PDE8B: variants seen among roughly 807,000 people sequenced by gnomAD.
PDE8B encodes the protein phosphodiesterase 8B.
Under a neutral mutation model 101.3 loss-of-function variants are expected in PDE8B, and 26 were observed. The observed-to-expected ratio is 0.26, with a 90% CI of 0.19 to 0.36. The LOEUF is 0.36. PDE8B is among the 10% of genes least tolerant of loss of function. The pLI is 1.00. For missense variants in PDE8B, 810 were observed against 1,163.1 expected, an observed-to-expected ratio of 0.70 and a Z score of 4.42; for synonymous variants, 424 against 429.3, an observed-to-expected ratio of 0.99 and a Z score of 0.15.
intron 1 of PDE8B, among the ~76,000 whole-genome samples, chr5:77,225,850 A>G (rs1198620170): frequency 4.7e-4 from 37 of 78,942 alleles, no homozygotes; most frequent in Non-Finnish European, 1.0e-4. Flanking sequence ...ATGCGCGTGC[A>G]CACACACACA....
chr5:77,152,982 C>T, the PDE8B span, among the ~76,000 whole-genome samples: 1 of 152,326 alleles, frequency 6.6e-6, no homozygotes, highest in South Asian at 2.1e-4. Flanking sequence ...TTGCAGTTCT[C>T]AACCAGAGGT....
At chr5:77,334,059 G>A (rs1442480159) in intron 5 of PDE8B, among the ~76,000 whole-genome samples, 1 of 152,232 alleles carries the variant, frequency 6.6e-6, no homozygotes, top group Non-Finnish European at 1.5e-5. Context: ...ACCATCAGCT[G>A]AGACTGATCT....
chr5:77,161,555 GACTTCTGAGTA>G, the PDE8B span, among the ~76,000 whole-genome samples: 2 of 152,058 alleles, frequency 1.3e-5, no homozygotes, highest in African/African-American at 4.8e-5. Context: ...GGCTGATATG[GACTTCTGAGTA>G]CAAATCCTTT....
In PDE8B at chr5:77,367,903, C is replaced by T. The variant is rs531325401; in HGVS notation, c.1167+14497C>T. The stretch of plus-strand genomic sequence containing the variant: ...CTGGGTGAGTCATCTGCACTTGCAG[C>T]GTTCTTCACAAAAGCCCCCAACTTG... On this transcript the variant is annotated intron_variant, in intron 10 of 21. Coordinates refer to ENST00000264917, the MANE Select transcript of PDE8B (RefSeq NM_003719.5). Among the ~76,000 whole-genome samples, 10 of 152,316 alleles carry T rather than the reference C, an allele frequency of 6.6e-5. No homozygotes were observed. The South Asian group carries it at 1.0e-3, about 16-fold the overall frequency.
intron 10 of PDE8B, among the ~76,000 whole-genome samples, chr5:77,369,605 C>T (rs181443387): frequency 1.6e-3 from 248 of 152,250 alleles, no homozygotes; most frequent in African/African-American, 5.6e-3. Context: ...TTAAAGGCAT[C>T]GTCTCAATTA....
intron 1 of PDE8B, among the ~76,000 whole-genome samples, chr5:77,278,332 G>A (rs1276101609): frequency 6.6e-6 from 1 of 152,152 alleles, no homozygotes; most frequent in African/African-American, 2.4e-5. Context: ...AGGCCTTACT[G>A]ATAGCCTTGC....
chr5:77,125,492 C>A, the PDE8B span, among the ~76,000 whole-genome samples: 1 of 152,166 alleles, frequency 6.6e-6, no homozygotes, highest in Non-Finnish European at 1.5e-5. Flanking sequence ...AAAGCAGAGA[C>A]TCAAATAGAT....
At chr5:77,225,846 G>A (rs921537976) in intron 1 of PDE8B, among the ~76,000 whole-genome samples, 5 of 104,490 alleles carry the variant, frequency 4.8e-5, no homozygotes, top group Non-Finnish European at 9.5e-5. Flanking sequence ...CCACATGCGC[G>A]TGCACACACA....
Position 77,404,796 on chromosome 5 carries a change from T to C in PDE8B, c.1287T>C (p.Asp429=), listed in dbSNP as rs1561661352. 6 of 1,579,526 alleles carry C rather than the reference T, an allele frequency of 3.8e-6. No homozygotes were observed. The highest frequency in any genetic ancestry group is 3.3e-5 in the South Asian group (3 of 90,408). ...AATCGATATCATCTCGAGGCAGTGA[T>C]GGTAAGATGTTTTTCAGATTCCTCT... The part of the protein sequence containing the change: ...DVKSISSRGS[D]APSLQNRRYP... Residue 429 remains aspartate (D), a splice_region_variant and synonymous_variant, in exon 12 of 22, where the codon GAT becomes GAC. Coordinates refer to ENST00000264917, the MANE Select transcript of PDE8B (RefSeq NM_003719.5).
chr5:77,207,692 G>C (rs1747615181), upstream of PDE8B, among the ~76,000 whole-genome samples: 1 of 152,146 alleles, frequency 6.6e-6, no homozygotes, highest in Admixed American at 6.5e-5. Flanking sequence ...CAGAACTCAG[G>C]CTTCAGAACT....
chr5:77,351,198 A>C (rs1781055991), intron 9 of PDE8B, 45 bp downstream of exon 9: 382 of 1,405,020 alleles, frequency 2.7e-4, no homozygotes, highest in Non-Finnish European at 3.5e-4. Context: ...ATAAAGACTC[A>C]AGGCCCTCAT....
intron 13 of PDE8B, 31 bp downstream of exon 13, chr5:77,407,488 G>A: frequency 6.6e-7 from 1 of 1,517,300 alleles, no homozygotes; most frequent in Non-Finnish European, 9.2e-7. Context: ...GCACTCTGCA[G>A]TCAGGGGCCC....
In PDE8B at chr5:77,391,684, A is replaced by G. The variant is rs116416898; in HGVS notation, c.1168-8564A>G. Among the ~76,000 whole-genome samples, 312 of 152,314 alleles carry G rather than the reference A, an allele frequency of 2.0e-3. 1 individual carries two copies. Among genetic ancestry groups the G allele is most frequent in the African/African-American group, 7.1e-3 (295 of 41,564 alleles). On this transcript the variant is annotated intron_variant, in intron 10 of 21. Transcript: ENST00000264917. ...CTGGCTCCACTCTAGACAGAACACA[A>G]AACCCATGTTGACATCGCAGGAGCT...
intron 1 of PDE8B, among the ~76,000 whole-genome samples, chr5:77,300,405 A>G (rs1769649678): frequency 6.6e-6 from 1 of 152,130 alleles, no homozygotes; most frequent in South Asian, 2.1e-4. Context: ...CTATTCCACC[A>G]ATGGACACAG....
At chr5:77,223,308 TG>T (rs1174765784) in intron 1 of PDE8B, among the ~76,000 whole-genome samples, 1 of 151,118 alleles carries the variant, frequency 6.6e-6, no homozygotes, top group Non-Finnish European at 1.5e-5. Flanking sequence ...TACGTATACA[TG>T]TGCCATGCTG....
At chr5:77,237,178 A>C (rs1177315094) in intron 1 of PDE8B, among the ~76,000 whole-genome samples, 1 of 152,096 alleles carries the variant, frequency 6.6e-6, no homozygotes, top group African/African-American at 2.4e-5. Context: ...TATAGATAGC[A>C]TGTAGTTGGG....
At chr5:77,094,087 C>A in the PDE8B span, among the ~76,000 whole-genome samples, 1 of 151,660 alleles carries the variant, frequency 6.6e-6, no homozygotes, top group Non-Finnish European at 1.5e-5. Context: ...ACCTTCGGAA[C>A]CTGTAGGGAA....
rs373446311 is a variant in PDE8B at position 77,422,196 on chromosome 5, G to C, written c.2418+208G>C. 5.3e-5 allele frequency among the ~76,000 whole-genome samples: 8 copies of C among 152,354 alleles called. No homozygotes were observed. The East Asian group carries it at 1.3e-3, about 26-fold the overall frequency. On this transcript the variant is annotated intron_variant, in intron 20 of 21. Transcript: ENST00000264917. ...GGCTGATCACTAACCAGAGTCTCTT[G>C]AGAAGGGGGATAAACTGAGCCTTTG... is the stretch of plus-strand genomic sequence containing the variant.
the PDE8B span, among the ~76,000 whole-genome samples, chr5:77,202,233 T>G: frequency 2.0e-5 from 3 of 152,356 alleles, no homozygotes; most frequent in African/African-American, 7.2e-5. Context: ...CATTCCTGAC[T>G]TGCTTCACCA....
Sources: gnomAD v4.1 joint callset for allele counts (sites outside exome capture counted in the v4.1 genomes callset) on GRCh38, gnomAD v4.1.1 for gene constraint, MANE v1.5 for transcripts, NCBI Gene and HGNC (gene_info 2026-07-23, HGNC 2026-07-21) for gene names.